The following ELAVL4 variants were observed in gnomAD, a reference collection of about 807,000 sequenced individuals.
ELAVL4 encodes ELAV-like protein 4.
ELAVL4 carries 1 observed loss-of-function variant against 35.6 expected under a neutral mutation model. That is an observed-to-expected ratio of 0.03 (90% CI 0.01 to 0.13). The LOEUF is 0.13. ELAVL4 is among the 10% of genes least tolerant of loss of function. The pLI, the probability that ELAVL4 is intolerant of heterozygous loss-of-function variation, is 1.00. For missense variants in ELAVL4, 267 were observed against 464.9 expected (o/e 0.57, Z 3.91); for synonymous variants, 156 against 171.0 (o/e 0.91, Z 0.69).
intron 1 of ELAVL4, among the ~76,000 whole-genome samples, chr1:50,053,531 G>C (rs1663502321): frequency 6.6e-6 from 1 of 151,972 alleles, no homozygotes; most frequent in Non-Finnish European, 1.5e-5. Context: ...GCATTTTTTT[G>C]TAGAGACAGG....
At chr1:50,147,919 G>A (rs1470219658) in intron 2 of ELAVL4, among the ~76,000 whole-genome samples, 1 of 152,180 alleles carries the variant, frequency 6.6e-6, no homozygotes, top group Non-Finnish European at 1.5e-5. Flanking sequence ...ACAGAGAGAG[G>A]AAGTGACTCT....
intron 3 of ELAVL4, among the ~76,000 whole-genome samples, chr1:50,183,229 T>C (rs1681325600): frequency 6.6e-6 from 1 of 152,186 alleles, no homozygotes; most frequent in African/African-American, 2.4e-5. Context: ...CTAATAATTA[T>C]ATTAAGCTAT....
At chr1:50,054,793 G>A (rs569768853) in intron 1 of ELAVL4, among the ~76,000 whole-genome samples, 14 of 152,130 alleles carry the variant, frequency 9.2e-5, no homozygotes, top group African/African-American at 1.9e-4. Flanking sequence ...GTGGCCTTAG[G>A]GCTGACCTTC....
At chr1:50,111,703 C>G (rs890533392) in intron 1 of ELAVL4, among the ~76,000 whole-genome samples, 2 of 152,132 alleles carry the variant, frequency 1.3e-5, no homozygotes, top group African/African-American at 2.4e-5. Context: ...CTGGTCTTGG[C>G]ACAAACTGAG....
chr1:50,200,155 G>T (rs1644315451), intron 6 of ELAVL4, among the ~76,000 whole-genome samples: 1 of 152,020 alleles, frequency 6.6e-6, no homozygotes, highest in African/African-American at 2.4e-5. Flanking sequence ...AATGCTAAAT[G>T]AAACATGAAC....
At chr1:50,174,704 G>A (rs765509529) in intron 2 of ELAVL4, 8 of 151,788 alleles carry the variant, frequency 5.3e-5, no homozygotes, top group Non-Finnish European at 8.8e-5. Flanking sequence ...ATCTTCCTAG[G>A]ACTTGAATGT....
At position 50,070,917 on chromosome 1, in the gene ELAVL4, T is replaced by C. The variant is rs565583843; in HGVS notation, c.18+22735T>C. Among the ~76,000 whole-genome samples, 17 of 152,298 alleles carry C rather than the reference T, an allele frequency of 1.1e-4. No individual in the cohort carries two copies. The South Asian group carries it at 1.9e-3, about 17-fold the overall frequency. Reference sequence around the variant, plus strand: ...AACTGTGGCTTGCAACATCCAGTATTATCTGATCTCAACCTGCCTCTCAGA... The same window carrying C: ...AACTGTGGCTTGCAACATCCAGTATCATCTGATCTCAACCTGCCTCTCAGA... On this transcript the variant is annotated intron_variant, in intron 1 of 6. Transcript: ENST00000448907.
At chr1:50,124,142 A>G (rs1304981190) in intron 1 of ELAVL4, among the ~76,000 whole-genome samples, 1 of 152,052 alleles carries the variant, frequency 6.6e-6, no homozygotes, top group Non-Finnish European at 1.5e-5. Flanking sequence ...ACTGGTTTTG[A>G]CACAGCTATT....
At chr1:50,093,972 T>C (rs953865927) in intron 1 of ELAVL4, among the ~76,000 whole-genome samples, 3 of 152,208 alleles carry the variant, frequency 2.0e-5, no homozygotes, top group African/African-American at 7.2e-5. Context: ...ACCTACCTTA[T>C]AGGATTGTTG....
chr1:50,166,903 G>A (rs1358959910), intron 2 of ELAVL4, among the ~76,000 whole-genome samples: 2 of 152,176 alleles, frequency 1.3e-5, no homozygotes, highest in African/African-American at 4.8e-5. Context: ...CTAGTTTAAT[G>A]GAATTGTTAT....
chr1:50,053,626 A>G (rs1215109427), intron 1 of ELAVL4, among the ~76,000 whole-genome samples: 4 of 152,202 alleles, frequency 2.6e-5, no homozygotes, highest in African/African-American at 9.6e-5. Context: ...CTGGGATTAT[A>G]GGCAAGATTG....
chr1:50,122,421 A>G (rs2494883), intron 1 of ELAVL4, among the ~76,000 whole-genome samples: 21,968 of 152,110 alleles, frequency 0.14, 1,900 homozygotes, highest in East Asian at 0.42. Context: ...CATTCACTAA[A>G]GATTTATTAC....
chr1:50,057,204 A>T (rs578076029), intron 1 of ELAVL4, among the ~76,000 whole-genome samples: 19 of 152,170 alleles, frequency 1.2e-4, no homozygotes, highest in Non-Finnish European at 2.1e-4. Context: ...GTAAAAAAAA[A>T]AATAATAGAA....
chr1:50,107,610 A>T (rs947257108), upstream of ELAVL4, among the ~76,000 whole-genome samples: 2 of 152,062 alleles, frequency 1.3e-5, no homozygotes, highest in African/African-American at 4.8e-5. Flanking sequence ...CTGTATGTCT[A>T]CTCTGCCTAG....
chr1:50,112,205 C>G (rs1234097587), intron 1 of ELAVL4, among the ~76,000 whole-genome samples: 1 of 151,862 alleles, frequency 6.6e-6, no homozygotes, highest in Admixed American at 6.6e-5. Context: ...TTGAAACTTG[C>G]GGCCATATGT....
chr1:50,071,069 G>A (rs1664495696), intron 1 of ELAVL4, among the ~76,000 whole-genome samples: 1 of 151,892 alleles, frequency 6.6e-6, no homozygotes, highest in Non-Finnish European at 1.5e-5. Flanking sequence ...ACCCTCACAC[G>A]GCTTCCTCCT....
chr1:50,109,889 T>C, intron 1 of ELAVL4: 1 of 1,610,278 alleles, frequency 6.2e-7, no homozygotes, highest in Non-Finnish European at 8.5e-7. Flanking sequence ...TACATAACGT[T>C]CCTTTCCGCT....
At chr1:50,133,601 A>AAG (rs1671275397) in intron 1 of ELAVL4, among the ~76,000 whole-genome samples, 1 of 96,356 alleles carries the variant, frequency 1.0e-5, no homozygotes, top group South Asian at 3.2e-4. Flanking sequence ...AAAGAAAGAA[A>AAG]AGAAAGAAAG....
upstream of ELAVL4, among the ~76,000 whole-genome samples, chr1:50,103,007 G>A (rs868750184): frequency 1.3e-5 from 2 of 152,016 alleles, no homozygotes; most frequent in South Asian, 4.1e-4. Flanking sequence ...TGCTTTAAGA[G>A]TATGGTCAAA....
Sources: gnomAD v4.1 joint callset for allele counts (sites outside exome capture counted in the v4.1 genomes callset) on GRCh38, gnomAD v4.1.1 for gene constraint, MANE v1.5 for transcripts, NCBI Gene and HGNC (gene_info 2026-07-23, HGNC 2026-07-21) for gene names.